The following SFMBT2 variants were observed in gnomAD, a reference collection of about 807,000 sequenced individuals.
SFMBT2 encodes the protein scm-like with four MBT domains protein 2.
In SFMBT2, 38 loss-of-function variants were observed where a neutral mutation model predicts 110.1. The observed-to-expected ratio is 0.35, with a 90% CI of 0.27 to 0.45. SFMBT2 has a LOEUF of 0.45. Ranked by LOEUF, SFMBT2 falls within the 20% of genes least tolerant of loss-of-function variation. The pLI, the probability that SFMBT2 is intolerant of heterozygous loss-of-function variation, is 1.00. For synonymous variants in SFMBT2, 425 were observed against 425.4 expected (o/e 1.00, Z 0.01); for missense variants, 1,011 against 1,094.9 (o/e 0.92, Z 1.08).
intron 4 of SFMBT2, among the ~76,000 whole-genome samples, chr10:7,364,781 T>A (rs927080064): frequency 2.0e-5 from 3 of 152,178 alleles, no homozygotes; most frequent in Non-Finnish European, 4.4e-5. Context: ...CCCCCAAGTG[T>A]GTACACGGCC....
intron 4 of SFMBT2, chr10:7,320,459 G>T (rs1168348470): frequency 5.3e-6 from 2 of 375,424 alleles, no homozygotes; most frequent in Admixed American, 6.4e-5. Context: ...TGGAAAAAAT[G>T]AGCTTATCCT....
chr10:7,186,453 C>T (rs1182949911), intron 16 of SFMBT2, among the ~76,000 whole-genome samples: 12 of 120,662 alleles, frequency 9.9e-5, no homozygotes, highest in Admixed American at 3.3e-4. Flanking sequence ...CACACACACA[C>T]ACACACATAT....
At chr10:7,315,030 GAAAGAA>G (rs1426910528) in intron 4 of SFMBT2, among the ~76,000 whole-genome samples, 8 of 130,228 alleles carry the variant, frequency 6.1e-5, no homozygotes, top group African/African-American at 2.4e-4. Flanking sequence ...GAGAGAGAAA[GAAAGAA>G]AGAGAAAGAA....
rs1843610763 is a variant in SFMBT2 at position 7,333,029 on chromosome 10, G to A, written c.436+34620C>T. On this transcript the variant is annotated intron_variant, in intron 4 of 20. Coordinates refer to ENST00000397167, the MANE Select transcript of SFMBT2 (RefSeq NM_001387889.1). ...TTACAGGCGCACACCACCACGCCCA[G>A]CTAATTTTTGTACTTTTAGTAGAGA... 2.6e-5 allele frequency among the ~76,000 whole-genome samples: 4 copies of A among 152,164 alleles called. No homozygotes were observed. In the South Asian group the frequency reaches 8.3e-4, roughly 32 times the overall value.
At chr10:7,330,965 C>T (rs1293335100) in intron 4 of SFMBT2, among the ~76,000 whole-genome samples, 1 of 152,244 alleles carries the variant, frequency 6.6e-6, no homozygotes, top group Non-Finnish European at 1.5e-5. Context: ...CAGCTACTGT[C>T]CAGCTCCAAG....
At chr10:7,276,773 A>C (rs1013480538) in intron 7 of SFMBT2, 119 bp downstream of exon 7, 3 of 680,312 alleles carry the variant, frequency 4.4e-6, no homozygotes, top group Non-Finnish European at 8.1e-6. Flanking sequence ...TGATCCGCCC[A>C]CCTCAGCCTC....
At chr10:7,360,952 A>T (rs965547453) in intron 4 of SFMBT2, among the ~76,000 whole-genome samples, 2 of 152,358 alleles carry the variant, frequency 1.3e-5, no homozygotes, top group East Asian at 3.9e-4. Flanking sequence ...CTCACTTTTT[A>T]AAATATTTAT....
At chr10:7,184,088 G>A (rs1838324734) in intron 16 of SFMBT2, among the ~76,000 whole-genome samples, 1 of 152,160 alleles carries the variant, frequency 6.6e-6, no homozygotes, top group East Asian at 1.9e-4. Context: ...GCCAAAGTAG[G>A]GATTTCTTTC....
At chr10:7,360,566 T>C (rs1844684984) in intron 4 of SFMBT2, among the ~76,000 whole-genome samples, 1 of 152,172 alleles carries the variant, frequency 6.6e-6, no homozygotes, top group Non-Finnish European at 1.5e-5. Flanking sequence ...AAAAAAACTA[T>C]TCATTTTTTA....
intron 6 of SFMBT2, among the ~76,000 whole-genome samples, chr10:7,278,221 T>TG (rs59289588): frequency 0.059 from 8,933 of 152,234 alleles, 354 homozygotes; most frequent in Non-Finnish European, 0.095. Flanking sequence ...GAACACTCAA[T>TG]GGGCCTCAAC....
At chr10:7,188,504 C>A (rs1452979112) in intron 16 of SFMBT2, 120 bp downstream of exon 16, 1 of 729,720 alleles carries the variant, frequency 1.4e-6, no homozygotes, top group Non-Finnish European at 2.2e-6. Context: ...AACTGCAGAA[C>A]GAACGTCCTT....
intron 16 of SFMBT2, among the ~76,000 whole-genome samples, chr10:7,180,751 G>A (rs1838220722): frequency 1.3e-5 from 2 of 152,198 alleles, no homozygotes; most frequent in South Asian, 2.1e-4. Flanking sequence ...GGGGGAGGCC[G>A]TCGCATGTGG....
rs1405621758 is a variant in SFMBT2, at chr10:7,172,361, G to C, written c.2151+134C>G. The C allele has an allele frequency of 7.3e-6, 11 of 1,507,488 alleles. No homozygotes were observed. The highest frequency in any genetic ancestry group is 9.7e-6 in the Non-Finnish European group (11 of 1,130,494). 93.4% of individuals were successfully genotyped at this position (1,507,488 alleles called of 1,614,324 possible). On this transcript the variant is annotated intron_variant, in intron 18 of 20. Coordinates refer to ENST00000397167, the MANE Select transcript of SFMBT2 (RefSeq NM_001387889.1). This position sits in a 1 kb window ranked among gnomAD's most constrained non-coding sequence, Gnocchi z 4.6. ...ATTTGTTTTCAGCAAGTAAGGAGGA[G>C]GGGGCTCTTCTTCAGTGTTTCTGAC... is the stretch of plus-strand genomic sequence containing the variant.
In SFMBT2 at chr10:7,170,127, C is replaced by A. The variant is rs1422623757; in HGVS notation, c.2544+801G>T. ...TATACAAATTCACAAACAGAAGACT[C>A]TGGAAGGTGGAGAAAGGAGGGCAGA... is the stretch of plus-strand genomic sequence containing the variant. On this transcript the variant is annotated intron_variant, in intron 20 of 20. Transcript: ENST00000397167. This position sits in a 1 kb window ranked among gnomAD's most constrained non-coding sequence, Gnocchi z 4.6. Among the ~76,000 whole-genome samples the A allele has an allele frequency of 6.6e-6, 1 of 152,112 alleles. No homozygotes were observed. The highest frequency in any genetic ancestry group is 1.5e-5 in the Non-Finnish European group (1 of 68,034).
At position 7,272,458 on chromosome 10, in the gene SFMBT2, G is replaced by A. The variant is rs146576759; in HGVS notation, c.870+4434C>T. On this transcript the variant is annotated intron_variant, in intron 7 of 20. Coordinates refer to ENST00000397167, the MANE Select transcript of SFMBT2 (RefSeq NM_001387889.1). ...CTCTGAAACGAGTCCCACCAGATAT[G>A]TCCGAAACCGGGGGGTTGACAGGAG... Among the ~76,000 whole-genome samples, 174 of 152,292 alleles carry A rather than the reference G, an allele frequency of 1.1e-3. 1 individual carries two copies. The highest frequency in any genetic ancestry group is 4.0e-3 in the African/African-American group (165 of 41,570).
rs190259462 is a variant in SFMBT2 at position 7,247,010 on chromosome 10, G to A, written c.972+1538C>T. Among the ~76,000 whole-genome samples, 22 of 152,262 alleles carry A rather than the reference G, an allele frequency of 1.4e-4. No individual in the cohort carries two copies. In the East Asian group the frequency reaches 3.5e-3, roughly 24 times the overall value. On this transcript the variant is annotated intron_variant, in intron 8 of 20. Transcript: ENST00000397167. ...CCATTTCAAATAAAAGGTTTTTAAC[G>A]GATGCTAATCAGGAATACATGACTT...
At chr10:7,174,876 G>A (rs897525548) in intron 17 of SFMBT2, among the ~76,000 whole-genome samples, 2 of 152,228 alleles carry the variant, frequency 1.3e-5, no homozygotes, top group Non-Finnish European at 2.9e-5. Context: ...CACAGAATGA[G>A]GGGAGGTCTG....
intron 16 of SFMBT2, among the ~76,000 whole-genome samples, chr10:7,187,492 T>C (rs1838453854): frequency 6.6e-6 from 1 of 152,260 alleles, no homozygotes; most frequent in South Asian, 2.1e-4. Context: ...TGCCATTTTC[T>C]GCAAATAAAC....
chr10:7,186,429 C>CT (rs1554782953), intron 16 of SFMBT2, among the ~76,000 whole-genome samples: 1 of 130,912 alleles, frequency 7.6e-6, no homozygotes, highest in Admixed American at 7.6e-5. Context: ...TATATATACA[C>CT]ACACACACAC....
Sources: allele counts gnomAD v4.1 joint callset (sites outside exome capture counted in the v4.1 genomes callset), GRCh38; gene constraint gnomAD v4.1.1; non-coding constraint Gnocchi (gnomAD v3.1); transcripts MANE v1.5; gene names NCBI Gene and HGNC (gene_info 2026-07-23, HGNC 2026-07-21).